The following HNRNPC variants were observed in gnomAD, a reference collection of about 807,000 sequenced individuals.
HNRNPC encodes heterogeneous nuclear ribonucleoprotein C.
Under a neutral mutation model 33.2 loss-of-function variants are expected in HNRNPC, and 3 were observed. The ratio of observed to expected loss-of-function variants is 0.09; its 90% CI spans 0.04 to 0.23. The LOEUF (loss-of-function observed/expected upper bound fraction) is 0.23. HNRNPC is among the 10% of genes least tolerant of loss of function. The probability of loss-of-function intolerance (pLI) is 1.00; values close to 1 mark genes in which losing one functional copy is unlikely to be tolerated. For missense variants in HNRNPC, 143 were observed against 366.7 expected, an observed-to-expected ratio of 0.39 and a Z score of 4.98; for synonymous variants, 121 against 126.7, an observed-to-expected ratio of 0.96 and a Z score of 0.30.
chr14:21,211,882 G>C lies in HNRNPC; in HGVS notation c.565C>G (p.Gln189Glu). 3 of 1,613,440 alleles carry C rather than the reference G, an allele frequency of 1.9e-6. No homozygotes were observed. Among genetic ancestry groups the C allele is most frequent in the Non-Finnish European group, 2.5e-6 (3 of 1,179,872 alleles). Residue 189 changes from glutamine to glutamate, a missense_variant, in exon 7 of 9, where the codon CAG becomes GAG. Transcript: ENST00000553300. ...AGAGAATCCACTTTTTGTTTTATCT[G>C]GGTCAGCTCCTTCTTAATGGCCTGA... ...DLQAIKKELT[Q>E]IKQKVDSLLE... is the part of the protein sequence containing the mutation.
chr14:21,220,153 C>T (rs745697254), intron 5 of HNRNPC, among the ~76,000 whole-genome samples: 5 of 152,026 alleles, frequency 3.3e-5, no homozygotes, highest in Non-Finnish European at 5.9e-5. Flanking sequence ...CCATCTCATT[C>T]AAAGTAAAAG....
At chr14:21,230,539 C>T in intron 4 of HNRNPC, 173 bp from the exon 5 acceptor site, 1 of 571,476 alleles carries the variant, frequency 1.7e-6, no homozygotes, top group Non-Finnish European at 3.2e-6. Flanking sequence ...CACCTTAGAC[C>T]ACTGGAAATG....
At chr14:21,221,685 C>T (rs750605711) in intron 5 of HNRNPC, among the ~76,000 whole-genome samples, 3 of 152,056 alleles carry the variant, frequency 2.0e-5, no homozygotes, top group Non-Finnish European at 4.4e-5. Flanking sequence ...GAATATATAA[C>T]GAATCCTACA....
chr14:21,252,939 G>A (rs1896827998), intron 2 of HNRNPC, among the ~76,000 whole-genome samples: 2 of 152,118 alleles, frequency 1.3e-5, no homozygotes, highest in African/African-American at 4.8e-5. Context: ...ACTTTGGGAG[G>A]CCGAGGCCGG....
chr14:21,248,343 T>C (rs774454606), intron 2 of HNRNPC, among the ~76,000 whole-genome samples: 3 of 152,192 alleles, frequency 2.0e-5, no homozygotes, highest in Admixed American at 6.5e-5. Context: ...GCAACCAGCC[T>C]AGACACATGT....
Position 21,234,205 on chromosome 14 carries a change from G to A in HNRNPC, c.-12C>T. The A allele has an allele frequency of 6.2e-7, 1 of 1,612,138 alleles. No individual in the cohort carries two copies. ...ACGTTGCTGGCCATCGTGTTTGATG[G>A]TAAGGTTTCTCACAAAGCCGAAAAC... On this transcript the variant is annotated 5_prime_UTR_variant, in exon 3 of 9. Transcript: ENST00000553300.
Position 21,267,065 on chromosome 14 carries a change from A to C in HNRNPC, c.-63+2233T>G, listed in dbSNP as rs371859274. 4.2e-4 allele frequency among the ~76,000 whole-genome samples: 45 copies of C among 107,664 alleles called. No individual in the cohort carries two copies. The East Asian group carries it at 0.012, about 29-fold the overall frequency. The allele number at this position is 107,664 out of a possible 152,430, so 70.6% of individuals were successfully genotyped here. A position where few individuals can be genotyped will look rare whatever the true frequency, so the allele number is the denominator to read the frequency against. Reference sequence around the variant, plus strand: ...GAGATTGTGCCACGACATGCACTCCAGCCTAGGGCGACAGAGCGAGACTCC... The same window carrying C: ...GAGATTGTGCCACGACATGCACTCCCGCCTAGGGCGACAGAGCGAGACTCC... On this transcript the variant is annotated intron_variant, in intron 1 of 8. Coordinates refer to ENST00000553300, the MANE Select transcript of HNRNPC (RefSeq NM_004500.4).
chr14:21,235,917 A>T (rs1894649825), intron 2 of HNRNPC, among the ~76,000 whole-genome samples: 1 of 152,142 alleles, frequency 6.6e-6, no homozygotes. Flanking sequence ...ATAAGGGAAA[A>T]AACCCATCAA....
intron 2 of HNRNPC, among the ~76,000 whole-genome samples, chr14:21,249,600 A>AAC (rs1555358505): frequency 1.1e-4 from 16 of 145,306 alleles, no homozygotes; most frequent in African/African-American, 4.0e-4. Context: ...AAACAAAAAA[A>AAC]AAAAAAAAAA....
At chr14:21,268,867 C>T (rs1414300330) in intron 1 of HNRNPC, among the ~76,000 whole-genome samples, 1 of 152,114 alleles carries the variant, frequency 6.6e-6, no homozygotes, top group Non-Finnish European at 1.5e-5. Flanking sequence ...GATTTAAAGG[C>T]TCGCGATACA....
At chr14:21,231,134 GTTT>G (rs1191171881) in intron 3 of HNRNPC, 62 bp from the exon 4 acceptor site, 8 of 1,499,084 alleles carry the variant, frequency 5.3e-6, no homozygotes, top group Non-Finnish European at 7.4e-6. Flanking sequence ...AAACTACAAA[GTTT>G]ATTTTTTTTA....
At chr14:21,252,356 G>A (rs1231560271) in intron 2 of HNRNPC, among the ~76,000 whole-genome samples, 1 of 152,150 alleles carries the variant, frequency 6.6e-6, no homozygotes, top group East Asian at 1.9e-4. Flanking sequence ...TATCACCCAG[G>A]CTGGAGTGCA....
intron 2 of HNRNPC, among the ~76,000 whole-genome samples, chr14:21,258,071 G>A (rs576148542): frequency 1.8e-4 from 28 of 152,148 alleles, no homozygotes; most frequent in African/African-American, 6.5e-4. Flanking sequence ...TTGTTCTTTG[G>A]AACTTTAACC....
At chr14:21,256,001 A>G (rs538030761) in intron 2 of HNRNPC, among the ~76,000 whole-genome samples, 1 of 152,346 alleles carries the variant, frequency 6.6e-6, no homozygotes, top group African/African-American at 2.4e-5. Flanking sequence ...TGTGTTCAAT[A>G]CAGTTAAGAA....
intron 2 of HNRNPC, among the ~76,000 whole-genome samples, chr14:21,237,437 G>C (rs1894822327): frequency 6.6e-6 from 1 of 152,142 alleles, no homozygotes; most frequent in Non-Finnish European, 1.5e-5. Context: ...TATTTTCCAG[G>C]ATTGATACTC....
chr14:21,221,216 A>AT lies in HNRNPC; in HGVS notation c.366-8100dup, dbSNP rs1480855332. Reference sequence around the variant, plus strand: ...TTATTTCTACAGATGACTTTCTCCTATTTACTCTTTCAACATTCGCTCTAC... The same window carrying AT: ...TTATTTCTACAGATGACTTTCTCCTATTTTACTCTTTCAACATTCGCTCTAC... On this transcript the variant is annotated intron_variant, in intron 5 of 8. Transcript: ENST00000553300. Among the ~76,000 whole-genome samples, 3 of 152,194 alleles carry AT rather than the reference A, an allele frequency of 2.0e-5. No homozygotes were observed. The East Asian group carries it at 5.8e-4, about 29-fold the overall frequency.
chr14:21,248,912 A>C (rs1450397252), intron 2 of HNRNPC, among the ~76,000 whole-genome samples: 1 of 147,546 alleles, frequency 6.8e-6, no homozygotes, highest in African/African-American at 2.6e-5. Context: ...AAAAAGGAGA[A>C]AACAAGTGCC....
intron 5 of HNRNPC, among the ~76,000 whole-genome samples, chr14:21,229,378 A>T (rs1311043575): frequency 6.6e-6 from 1 of 152,150 alleles, no homozygotes; most frequent in Non-Finnish European, 1.5e-5. Flanking sequence ...CAAAAAAAAA[A>T]AAAAAAAAAT....
intron 5 of HNRNPC, among the ~76,000 whole-genome samples, chr14:21,222,938 C>T (rs1226522813): frequency 6.6e-6 from 1 of 151,982 alleles, no homozygotes; most frequent in South Asian, 2.1e-4. Context: ...TGATGGCTCA[C>T]GCCTGTAATC....
Sources: gnomAD v4.1 joint callset for allele counts (sites outside exome capture counted in the v4.1 genomes callset) on GRCh38, gnomAD v4.1.1 for gene constraint, MANE v1.5 for transcripts, NCBI Gene and HGNC (gene_info 2026-07-23, HGNC 2026-07-21) for gene names.